The following DGKB variants were observed in gnomAD, a reference collection of about 807,000 sequenced individuals.
DGKB encodes 90 kDa diacylglycerol kinase.
In DGKB, 67 loss-of-function variants were observed where a neutral mutation model predicts 114.3. The observed-to-expected ratio is 0.59, with a 90% confidence interval of 0.48 to 0.72. The LOEUF (loss-of-function observed/expected upper bound fraction) is 0.72, where lower values mean the gene tolerates loss of function less well. Among genes scored for constraint, DGKB ranks in the 30% least tolerant of loss-of-function variants. The pLI, the probability that DGKB is intolerant of heterozygous loss-of-function variation, is 0.00. For missense variants in DGKB, 907 were observed against 975.2 expected (o/e 0.93, Z 0.93); for synonymous variants, 398 against 323.1 (o/e 1.23, Z -2.49).
chr7:14,869,867 G>C (rs545075144), intron 1 of DGKB, among the ~76,000 whole-genome samples: 1 of 152,048 alleles, frequency 6.6e-6, no homozygotes, highest in Non-Finnish European at 1.5e-5. Flanking sequence ...GAGATGACTC[G>C]CTAATGCTCA....
At chr7:14,515,786 T>C (rs754942052) in intron 20 of DGKB, among the ~76,000 whole-genome samples, 1 of 152,212 alleles carries the variant, frequency 6.6e-6, no homozygotes, top group Non-Finnish European at 1.5e-5. Flanking sequence ...GTAAATAATG[T>C]AGTTATTACA....
chr7:14,569,482 T>C (rs1011662848), intron 20 of DGKB, among the ~76,000 whole-genome samples: 1 of 152,158 alleles, frequency 6.6e-6, no homozygotes, highest in Non-Finnish European at 1.5e-5. Context: ...TAACAAAAGT[T>C]TTTTCTTTCT....
chr7:14,294,479 T>A (rs1360949418), intron 23 of DGKB, among the ~76,000 whole-genome samples: 4 of 152,126 alleles, frequency 2.6e-5, no homozygotes, highest in African/African-American at 9.7e-5. Context: ...GATATAAAGA[T>A]TACCATACTT....
At chr7:14,501,951 G>A (rs1025130333) in intron 20 of DGKB, among the ~76,000 whole-genome samples, 3 of 151,918 alleles carry the variant, frequency 2.0e-5, no homozygotes, top group African/African-American at 7.2e-5. Flanking sequence ...TGAGGGTCTT[G>A]GAAGATGGTG....
chr7:14,248,520 ATTTCT>A (rs1333582417), intron 23 of DGKB, among the ~76,000 whole-genome samples: 1 of 152,008 alleles, frequency 6.6e-6, no homozygotes, highest in Non-Finnish European at 1.5e-5. Flanking sequence ...GTCTTCTTGA[ATTTCT>A]TTTATCACTG....
At chr7:14,402,288 T>C (rs1352388569) in intron 21 of DGKB, among the ~76,000 whole-genome samples, 6 of 151,862 alleles carry the variant, frequency 4.0e-5, no homozygotes, top group African/African-American at 1.2e-4. Context: ...GAAAGTTCCC[T>C]GCAATTTCAA....
intron 23 of DGKB, among the ~76,000 whole-genome samples, chr7:14,207,917 C>T (rs1303652693): frequency 1.3e-5 from 2 of 151,930 alleles, no homozygotes; most frequent in African/African-American, 4.8e-5. Context: ...GACTTGTCAG[C>T]ACAATTTCTC....
intron 22 of DGKB, among the ~76,000 whole-genome samples, chr7:14,342,999 C>T (rs937620323): frequency 6.6e-5 from 10 of 151,670 alleles, no homozygotes; most frequent in African/African-American, 2.4e-4. Context: ...AATTTTAGGA[C>T]AAATAGGAAG....
rs141541979 is a variant in DGKB, at chr7:14,939,652, C to T, written c.-188+35044G>A. Among the ~76,000 whole-genome samples the T allele has an allele frequency of 7.4e-3, 700 of 94,984 alleles. 8 individuals are homozygous for T. Among genetic ancestry groups the T allele is most frequent in the Middle Eastern group, 0.038 (3 of 78 alleles). The allele number at this position is 94,984 out of a possible 152,430, so 62.3% of individuals were successfully genotyped here. A position where few individuals can be genotyped will look rare whatever the true frequency, so the allele number is the denominator to read the frequency against. ...TTTTTTTTTTTTTTTTTTTTTGAGA[C>T]GGAGTCTCGTTCTGCCCAGGCTGGA... On this transcript the variant is annotated intron_variant, in intron 1 of 4. Transcript: ENST00000437998.
intron 23 of DGKB, among the ~76,000 whole-genome samples, chr7:14,232,426 TTATTATTATTAC>T (rs956929488): frequency 6.6e-6 from 1 of 151,322 alleles, no homozygotes; most frequent in Non-Finnish European, 1.5e-5. Context: ...TGGCTTATTA[TTATTATTATTAC>T]TATTATTATT....
intron 21 of DGKB, among the ~76,000 whole-genome samples, chr7:14,459,446 C>T (rs552500332): frequency 9.2e-5 from 14 of 152,114 alleles, no homozygotes; most frequent in African/African-American, 1.9e-4. Flanking sequence ...ACAAGAACTT[C>T]GTGAAGCATA....
chr7:14,622,553 T>G, intron 14 of DGKB, among the ~76,000 whole-genome samples: 1 of 152,176 alleles, frequency 6.6e-6, no homozygotes, highest in East Asian at 1.9e-4. Context: ...TGTCCAAGAT[T>G]AGTTTTAAAA....
chr7:14,905,227 T>C (rs1783627934), upstream of DGKB, among the ~76,000 whole-genome samples: 1 of 142,456 alleles, frequency 7.0e-6, no homozygotes, highest in Non-Finnish European at 1.5e-5. Flanking sequence ...AATGAGTATT[T>C]AACATCCATC....
intron 25 of DGKB, among the ~76,000 whole-genome samples, chr7:14,169,465 A>T (rs182611106): frequency 7.2e-5 from 11 of 152,252 alleles, no homozygotes; most frequent in Admixed American, 4.6e-4. Context: ...CAGAAGAATG[A>T]ATCTATTTCT....
chr7:14,563,067 G>A (rs1796906614), intron 20 of DGKB, among the ~76,000 whole-genome samples: 1 of 152,130 alleles, frequency 6.6e-6, no homozygotes, highest in African/African-American at 2.4e-5. Flanking sequence ...TAGTGAATAA[G>A]TGTCAGGAGA....
chr7:14,296,038 AT>A lies in DGKB; in HGVS notation c.2122+42476del, dbSNP rs67910544. On this transcript the variant is annotated intron_variant, in intron 23 of 25. Coordinates refer to ENST00000402815, the MANE Select transcript of DGKB (RefSeq NM_001350709.2). ...ATGTCCCTGCAAAGGTCATGAACTC[AT>A]TTTTTTTTTTTTTTCAGACAAGAAT... Among the ~76,000 whole-genome samples, 489 of 141,418 alleles carry A rather than the reference AT, an allele frequency of 3.5e-3. 2 individuals are homozygous for A. Among genetic ancestry groups the A allele is most frequent in the African/African-American group, 0.01 (395 of 37,828 alleles). 92.8% of individuals were successfully genotyped at this position (141,418 alleles called of 152,430 possible).
At chr7:14,736,473 T>C (rs937658794) in intron 4 of DGKB, among the ~76,000 whole-genome samples, 2 of 79,552 alleles carry the variant, frequency 2.5e-5, no homozygotes, top group African/African-American at 5.5e-5. Flanking sequence ...TTGAAAAATG[T>C]ACTGTTTGAA....
At chr7:14,545,989 T>G (rs1208081188) in intron 20 of DGKB, among the ~76,000 whole-genome samples, 2 of 152,214 alleles carry the variant, frequency 1.3e-5, no homozygotes, top group Middle Eastern at 3.2e-3. Flanking sequence ...GGCTGTCGTG[T>G]AGAGATTAAA....
chr7:14,509,000 T>C (rs1787558046), intron 20 of DGKB, among the ~76,000 whole-genome samples: 1 of 152,188 alleles, frequency 6.6e-6, no homozygotes, highest in South Asian at 2.1e-4. Flanking sequence ...ATTTGCCCTT[T>C]CAAAAGTGAG....
Sources: gnomAD v4.1 joint callset for allele counts (sites outside exome capture counted in the v4.1 genomes callset) on GRCh38, gnomAD v4.1.1 for gene constraint, MANE v1.5 for transcripts, NCBI Gene and HGNC (gene_info 2026-07-23, HGNC 2026-07-21) for gene names.